Variants in CENPP observed in about 807,000 individuals in gnomAD.
CENPP encodes the protein centromere protein P.
A neutral mutation model predicts 35.6 loss-of-function variants in CENPP; 24 were observed. The observed-to-expected ratio is 0.67, with a 90% confidence interval of 0.49 to 0.95. The LOEUF is 0.95. Among genes scored for constraint, CENPP ranks in the 40% least tolerant of loss-of-function variants. The pLI, the probability that CENPP is intolerant of heterozygous loss-of-function variation, is 0.00. For synonymous variants in CENPP, 120 were observed against 125.5 expected (o/e 0.96, Z 0.29); for missense variants, 332 against 345.3 (o/e 0.96, Z 0.31).
chr9:92,404,844 G>A (rs1267583229), intron 5 of CENPP: 1 of 257,220 alleles, frequency 3.9e-6, no homozygotes, highest in Non-Finnish European at 6.8e-6. Context: ...TATGAAAAAT[G>A]ATATAGTTTT....
intron 5 of CENPP, among the ~76,000 whole-genome samples, chr9:92,596,445 C>CAAAAAAAAAAAA (rs60383394): frequency 1.4e-5 from 1 of 72,002 alleles, no homozygotes; most frequent in Non-Finnish European, 2.5e-5. Context: ...GACCCTGTGT[C>CAAAAAAAAAAAA]AAAAAAAAAA....
intron 5 of CENPP, among the ~76,000 whole-genome samples, chr9:92,583,517 A>T (rs1000417294): frequency 2.6e-5 from 4 of 152,212 alleles, no homozygotes; most frequent in Non-Finnish European, 5.9e-5. Flanking sequence ...TTTTAACTCT[A>T]TCTCACAAGT....
intron 5 of CENPP, among the ~76,000 whole-genome samples, chr9:92,609,143 G>GA (rs1851163863): frequency 6.6e-6 from 1 of 152,238 alleles, no homozygotes; most frequent in Admixed American, 6.5e-5. Context: ...TTTTCTTATG[G>GA]AAACTGTTGT....
chr9:92,525,704 A>G (rs751054820), intron 5 of CENPP, among the ~76,000 whole-genome samples: 30 of 152,100 alleles, frequency 2.0e-4, no homozygotes, highest in Non-Finnish European at 3.4e-4. Context: ...CAGCCTGCCC[A>G]ACATGGTGAA....
chr9:92,398,212 T>C (rs2130918775), intron 5 of CENPP, among the ~76,000 whole-genome samples: 1 of 152,350 alleles, frequency 6.6e-6, no homozygotes, highest in East Asian at 1.9e-4. Context: ...AACAGTTACT[T>C]AGAGTTTTTT....
intron 5 of CENPP, among the ~76,000 whole-genome samples, chr9:92,455,766 T>C (rs1417439477): frequency 6.6e-6 from 1 of 152,222 alleles, no homozygotes; most frequent in Admixed American, 6.5e-5. Context: ...TAACATGTAT[T>C]ATTGTTATTA....
In CENPP at chr9:92,351,069, G is replaced by A. The variant is rs77847246; in HGVS notation, c.467+5282G>A. 3.3e-3 allele frequency among the ~76,000 whole-genome samples: 504 copies of A among 152,166 alleles called. 1 individual carries two copies. Among genetic ancestry groups the A allele is most frequent in the African/African-American group, 0.011 (463 of 41,508 alleles). On this transcript the variant is annotated intron_variant, in intron 4 of 7. Coordinates refer to ENST00000375587, the MANE Select transcript of CENPP (RefSeq NM_001012267.3). ...TAACTTGTTTTCCTATTTTTTTACT[G>A]TGGCAAAATACTTACAAAATCTACC...
intron 5 of CENPP, among the ~76,000 whole-genome samples, chr9:92,518,483 T>C (rs1375547583): frequency 6.6e-6 from 1 of 152,218 alleles, no homozygotes; most frequent in Non-Finnish European, 1.5e-5. Context: ...CACATGGGAA[T>C]AGGTGAAACC....
At chr9:92,479,486 C>T (rs1845835202) in intron 5 of CENPP, among the ~76,000 whole-genome samples, 2 of 152,116 alleles carry the variant, frequency 1.3e-5, no homozygotes, top group Non-Finnish European at 2.9e-5. Flanking sequence ...GAGATGAAGA[C>T]CTTTGAAACA....
intron 5 of CENPP, among the ~76,000 whole-genome samples, chr9:92,561,242 C>CA (rs1363139646): frequency 1.3e-5 from 2 of 152,186 alleles, no homozygotes; most frequent in African/African-American, 4.8e-5. Flanking sequence ...AGCACTGCCT[C>CA]AGCACATCTA....
At chr9:92,557,386 G>A (rs1035415509) in intron 5 of CENPP, among the ~76,000 whole-genome samples, 1 of 152,204 alleles carries the variant, frequency 6.6e-6, no homozygotes, top group African/African-American at 2.4e-5. Context: ...GGCTGGGGAA[G>A]TTTTCCTCAA....
chr9:92,394,502 C>T (rs1435848099), intron 5 of CENPP, among the ~76,000 whole-genome samples: 14 of 151,622 alleles, frequency 9.2e-5, no homozygotes, highest in African/African-American at 2.4e-4. Flanking sequence ...CTGCCTGCCT[C>T]GGTCTCCCAA....
At chr9:92,513,240 G>A (rs1224600364) in intron 5 of CENPP, among the ~76,000 whole-genome samples, 2 of 152,080 alleles carry the variant, frequency 1.3e-5, no homozygotes, top group African/African-American at 2.4e-5. Flanking sequence ...TGGAAACATG[G>A]GCAGAAGGTC....
At chr9:92,385,102 A>G (rs1178627631) in intron 5 of CENPP, 3 of 152,658 alleles carry the variant, frequency 2.0e-5, no homozygotes, top group Non-Finnish European at 4.4e-5. Context: ...ATTTAATAAA[A>G]TAGCTGCCTT....
intron 5 of CENPP, among the ~76,000 whole-genome samples, chr9:92,411,104 C>G (rs1189019402): frequency 1.3e-5 from 2 of 152,042 alleles, no homozygotes; most frequent in Non-Finnish European, 2.9e-5. Flanking sequence ...TCCTGAGTAT[C>G]TGGGACTACA....
chr9:92,444,114 T>G (rs1373973992), intron 5 of CENPP, among the ~76,000 whole-genome samples: 2 of 152,180 alleles, frequency 1.3e-5, no homozygotes, highest in African/African-American at 4.8e-5. Flanking sequence ...ATAAATAAAT[T>G]ATAAATTTTC....
chr9:92,545,693 A>AATCCAGCTGGGCTC (rs999001585), intron 5 of CENPP, among the ~76,000 whole-genome samples: 17 of 152,318 alleles, frequency 1.1e-4, no homozygotes, highest in African/African-American at 3.8e-4. Flanking sequence ...CCACTGGGTG[A>AATCCAGCTGGGCTC]ATCCAGCTGG....
At chr9:92,443,683 A>G (rs1455098505) in intron 5 of CENPP, among the ~76,000 whole-genome samples, 2 of 151,966 alleles carry the variant, frequency 1.3e-5, no homozygotes, top group East Asian at 3.9e-4. Context: ...TTTTTGAGAC[A>G]GAGTTTTGCT....
chr9:92,404,670 C>T, intron 5 of CENPP: 3 of 1,247,952 alleles, frequency 2.4e-6, no homozygotes, highest in Non-Finnish European at 3.1e-6. Context: ...AGATCTTTGC[C>T]AGCATTCTTT....
Sources: allele counts gnomAD v4.1 joint callset (sites outside exome capture counted in the v4.1 genomes callset), GRCh38; gene constraint gnomAD v4.1.1; transcripts MANE v1.5; gene names NCBI Gene and HGNC (gene_info 2026-07-23, HGNC 2026-07-21).